RFLNA: variants seen among roughly 807,000 people sequenced by gnomAD.
The protein encoded by RFLNA is refilin-A.
RFLNA carries 5 observed loss-of-function variants against 7.8 expected under a neutral mutation model. The ratio of observed to expected loss-of-function variants is 0.64; its 90% CI spans 0.34 to 1.35. RFLNA has a LOEUF of 1.35. RFLNA is among the 40% of genes most tolerant of loss of function. The pLI is 0.04. For synonymous variants in RFLNA, 141 were observed against 131.3 expected, an observed-to-expected ratio of 1.07 and a Z score of -0.50; for missense variants, 278 against 305.5, an observed-to-expected ratio of 0.91 and a Z score of 0.67.
upstream of RFLNA, among the ~76,000 whole-genome samples, chr12:124,293,913 C>T (rs755294221): frequency 6.6e-6 from 1 of 152,212 alleles, no homozygotes; most frequent in Non-Finnish European, 1.5e-5. Flanking sequence ...CCTGAACACT[C>T]CAAAGCCTTA....
Position 124,289,696 on chromosome 12 carries a change from G to A in RFLNA, c.-37+326G>A, listed in dbSNP as rs934151635. ...CGGGCTGCAGGCTCCGAGAGGACAC[G>A]GGCTAAAAATGAAGAGGTGAGTCAC... On this transcript the variant is annotated intron_variant, in intron 1 of 2. Coordinates refer to the RFLNA transcript ENST00000324038. The surrounding 1 kb of genome is among the most constrained non-coding windows in gnomAD (Gnocchi z 5.0). Among the ~76,000 whole-genome samples, 4 of 152,210 alleles carry A rather than the reference G, an allele frequency of 2.6e-5. No individual in the cohort carries two copies. The highest frequency in any genetic ancestry group is 9.7e-5 in the African/African-American group (4 of 41,450).
chr12:124,300,309 G>C (rs760011368), intron 1 of RFLNA, among the ~76,000 whole-genome samples: 64 of 152,322 alleles, frequency 4.2e-4, no homozygotes, highest in Non-Finnish European at 6.8e-4. Context: ...TTTCTGAAGA[G>C]TGTACGTGAG....
intron 1 of RFLNA, among the ~76,000 whole-genome samples, chr12:124,304,934 A>C (rs1321977717): frequency 2.0e-5 from 3 of 152,168 alleles, no homozygotes; most frequent in African/African-American, 7.2e-5. Context: ...TCAGCAAACA[A>C]ACACCTGCAC....
intron 1 of RFLNA, among the ~76,000 whole-genome samples, chr12:124,299,796 GGTGA>G (rs1273967233): frequency 6.6e-6 from 1 of 151,008 alleles, no homozygotes; most frequent in Non-Finnish European, 1.5e-5. Flanking sequence ...AAGCGGGGTG[GGTGA>G]GTAACACAGC....
At chr12:124,300,494 G>A (rs948463684) in intron 1 of RFLNA, among the ~76,000 whole-genome samples, 4 of 152,182 alleles carry the variant, frequency 2.6e-5, no homozygotes, top group Non-Finnish European at 5.9e-5. Context: ...CTTCTTGTCT[G>A]TGATGGTGAA....
chr12:124,301,930 A>C (rs1275792318), intron 1 of RFLNA, among the ~76,000 whole-genome samples: 1 of 152,184 alleles, frequency 6.6e-6, no homozygotes, highest in African/African-American at 2.4e-5. Flanking sequence ...TCCGGAGGCC[A>C]AGAAGTCTGA....
chr12:124,302,985 A>T (rs893206804), intron 1 of RFLNA, among the ~76,000 whole-genome samples: 3 of 151,070 alleles, frequency 2.0e-5, no homozygotes, highest in Admixed American at 6.6e-5. Context: ...GCAACGGGGG[A>T]GGGGGGGCTC....
intron 1 of RFLNA, among the ~76,000 whole-genome samples, chr12:124,299,069 C>T (rs1486766019): frequency 6.6e-6 from 1 of 152,244 alleles, no homozygotes; most frequent in Non-Finnish European, 1.5e-5. Flanking sequence ...TCCATTTGGT[C>T]TTTTAAAAAC....
rs1218981546 is a variant in RFLNA at position 124,315,923 on chromosome 12, A to G, written c.*1398A>G. Reference sequence around the variant, plus strand: ...CAAAATGACTGATGTATTTTTATGTATCTACACAGAGAGTGCATTTTCTCT... The same window carrying G: ...CAAAATGACTGATGTATTTTTATGTGTCTACACAGAGAGTGCATTTTCTCT... On this transcript the variant is annotated 3_prime_UTR_variant, in exon 3 of 3. Transcript: ENST00000546355. 1.3e-5 allele frequency: 2 copies of G among 152,252 alleles called. No homozygotes were observed. Among genetic ancestry groups the G allele is most frequent in the African/African-American group, 2.4e-5 (1 of 41,466 alleles). 9.4% of individuals were successfully genotyped at this position (152,252 alleles called of 1,614,324 possible). A position where few individuals can be genotyped will look rare whatever the true frequency, so the allele number is the denominator to read the frequency against.
upstream of RFLNA, among the ~76,000 whole-genome samples, chr12:124,294,595 C>T (rs1333235994): frequency 1.8e-4 from 1 of 5,538 alleles, no homozygotes. Context: ...TGCTCATCGC[C>T]CCCGCCGCCC....
intron 1 of RFLNA, among the ~76,000 whole-genome samples, chr12:124,304,322 C>T (rs1005964985): frequency 6.6e-6 from 1 of 152,242 alleles, no homozygotes; most frequent in Non-Finnish European, 1.5e-5. Context: ...CAGCCTATAT[C>T]GGTCTGGGCT....
intron 1 of RFLNA, among the ~76,000 whole-genome samples, chr12:124,308,704 G>A (rs186713087): frequency 6.6e-6 from 1 of 152,380 alleles, no homozygotes; most frequent in African/African-American, 2.4e-5. Flanking sequence ...GGCAAACCCG[G>A]GACCTGCCCA....
At chr12:124,301,736 A>T (rs2135680172) in intron 1 of RFLNA, among the ~76,000 whole-genome samples, 1 of 152,246 alleles carries the variant, frequency 6.6e-6, no homozygotes, top group Admixed American at 6.5e-5. Flanking sequence ...TCTGGGGGGA[A>T]GTGGGAGACC....
chr12:124,312,499 T>TG (rs2034263777), intron 2 of RFLNA, among the ~76,000 whole-genome samples: 2 of 152,012 alleles, frequency 1.3e-5, no homozygotes, highest in South Asian at 2.1e-4. Flanking sequence ...TTTGTAGAGA[T>TG]GGGGTCTCAC....
At chr12:124,294,865 G>A (rs2033876379), upstream of RFLNA, among the ~76,000 whole-genome samples, 2 of 152,388 alleles carry the variant, frequency 1.3e-5, no homozygotes, top group Admixed American at 1.3e-4. Context: ...GATGACTTGG[G>A]GACCCCACAA....
At chr12:124,298,195 C>G (rs1280377584) in intron 1 of RFLNA, among the ~76,000 whole-genome samples, 1 of 152,218 alleles carries the variant, frequency 6.6e-6, no homozygotes, top group Non-Finnish European at 1.5e-5. Flanking sequence ...GTCCCGCCCT[C>G]AAATCTAAGC....
At chr12:124,310,355 G>A (rs1022840082) in intron 1 of RFLNA, among the ~76,000 whole-genome samples, 6 of 151,588 alleles carry the variant, frequency 4.0e-5, no homozygotes, top group African/African-American at 4.8e-5. Context: ...TGAGTCTGGC[G>A]GGGAACACTT....
rs2034337463 is a variant in RFLNA, at chr12:124,315,609, CAG to C, written c.*1085_*1086del. Reference sequence around the variant, plus strand: ...ACATGAGCCAGACAAAGACTTGGCTCAGGGCTCCGTGGAACAAGCCAGGATGC... The same window carrying C: ...ACATGAGCCAGACAAAGACTTGGCTCGGCTCCGTGGAACAAGCCAGGATGC... On this transcript the variant is annotated 3_prime_UTR_variant, in exon 3 of 3. Transcript: ENST00000546355. 1 of 152,260 alleles carries C rather than the reference CAG, an allele frequency of 6.6e-6. No homozygotes were observed. Among genetic ancestry groups the C allele is most frequent in the Non-Finnish European group, 1.5e-5 (1 of 68,062 alleles). 9.4% of individuals were successfully genotyped at this position (152,260 alleles called of 1,614,324 possible). A position where few individuals can be genotyped will look rare whatever the true frequency, so the allele number is the denominator to read the frequency against.
In RFLNA at chr12:124,314,535, G is replaced by T; in HGVS notation, c.*10G>T. 1 of 1,559,178 alleles carries T rather than the reference G, an allele frequency of 6.4e-7. No homozygotes were observed. The highest frequency in any genetic ancestry group is 8.6e-7 in the Non-Finnish European group (1 of 1,159,014). Reference sequence around the variant, plus strand: ...CCCTGCCACGCTCTGACGGGGCTGGGGCCGGCCCGGGGTGCTGGAGGAGCC... The same window carrying T: ...CCCTGCCACGCTCTGACGGGGCTGGTGCCGGCCCGGGGTGCTGGAGGAGCC... On this transcript the variant is annotated 3_prime_UTR_variant, in exon 3 of 3. Transcript: ENST00000546355.
Sources: gnomAD v4.1 joint callset for allele counts (sites outside exome capture counted in the v4.1 genomes callset) on GRCh38, gnomAD v4.1.1 for gene constraint, Gnocchi (gnomAD v3.1) non-coding constraint, MANE v1.5 for transcripts, NCBI Gene and HGNC (gene_info 2026-07-23, HGNC 2026-07-21) for gene names.